The following SAMMSON variants were observed in gnomAD, a reference collection of about 807,000 sequenced individuals.
The protein encoded by SAMMSON is long intergenic non-protein coding RNA 1212.
chr3:70,323,679 A>G (rs535722106), intron 7 of SAMMSON, among the ~76,000 whole-genome samples: 1 of 152,246 alleles, frequency 6.6e-6, no homozygotes, highest in African/African-American at 2.4e-5. Context: ...GACAGCTGCT[A>G]TATTGTTTTA....
intron 4 of SAMMSON, among the ~76,000 whole-genome samples, chr3:70,229,185 C>T (rs989305157): frequency 6.6e-6 from 1 of 152,152 alleles, no homozygotes; most frequent in South Asian, 2.1e-4. Context: ...CAGCATCTTA[C>T]ACATACAAGA....
At chr3:70,327,768 A>G (rs1328236300) in intron 7 of SAMMSON, among the ~76,000 whole-genome samples, 2 of 152,192 alleles carry the variant, frequency 1.3e-5, no homozygotes, top group Non-Finnish European at 2.9e-5. Flanking sequence ...TCACCTTTGA[A>G]TCAGCCTAAT....
intron 7 of SAMMSON, among the ~76,000 whole-genome samples, chr3:70,295,426 A>G (rs573516009): frequency 7.9e-5 from 12 of 152,326 alleles, no homozygotes; most frequent in Non-Finnish European, 4.4e-5. Flanking sequence ...ATGAAAGCCC[A>G]GACATGGTGG....
intron 6 of SAMMSON, among the ~76,000 whole-genome samples, chr3:70,256,308 C>T (rs141569008): frequency 1.3e-3 from 194 of 152,274 alleles, no homozygotes; most frequent in Non-Finnish European, 2.2e-3. Context: ...GAAATGTACT[C>T]GTTATGTGAA....
chr3:70,264,090 A>AT (rs1701892757), intron 6 of SAMMSON, among the ~76,000 whole-genome samples: 1 of 152,090 alleles, frequency 6.6e-6, no homozygotes, highest in African/African-American at 2.4e-5. Context: ...TGCATTTAAT[A>AT]TTTTTCCAGA....
chr3:70,408,402 C>A (rs565866494), intron 2 of SAMMSON, among the ~76,000 whole-genome samples: 13 of 152,154 alleles, frequency 8.5e-5, no homozygotes, highest in Admixed American at 8.5e-4. Context: ...CTTATAAAAC[C>A]GAATACCTTT....
chr3:70,354,037 G>T (rs765741648), intron 7 of SAMMSON: 1 of 152,324 alleles, frequency 6.6e-6, no homozygotes, highest in African/African-American at 2.4e-5. Context: ...GGTTGCCAGG[G>T]ATTAGGGAGA....
intron 7 of SAMMSON, among the ~76,000 whole-genome samples, chr3:70,328,098 T>C (rs1052266955): frequency 2.0e-5 from 3 of 152,196 alleles, no homozygotes; most frequent in African/African-American, 7.2e-5. Context: ...CTCCCCTTTA[T>C]AAAACTATCA....
At chr3:70,067,720 C>T (rs890869799) in intron 3 of SAMMSON, among the ~76,000 whole-genome samples, 4 of 151,964 alleles carry the variant, frequency 2.6e-5, no homozygotes, top group Admixed American at 2.0e-4. Flanking sequence ...TGCAGCTGTG[C>T]CTGTACTGGA....
At chr3:70,237,688 A>G (rs910009846) in intron 4 of SAMMSON, among the ~76,000 whole-genome samples, 2 of 152,234 alleles carry the variant, frequency 1.3e-5, no homozygotes, top group African/African-American at 4.8e-5. Context: ...TTTGTTATCT[A>G]ACATGTATAC....
chr3:70,124,698 C>A (rs924420090), intron 4 of SAMMSON, among the ~76,000 whole-genome samples: 1 of 151,032 alleles, frequency 6.6e-6, no homozygotes, highest in Non-Finnish European at 1.5e-5. Context: ...GCCTGTAGTC[C>A]CAGCTACTTG....
intron 4 of SAMMSON, among the ~76,000 whole-genome samples, chr3:70,188,012 T>C (rs543598836): frequency 1.3e-5 from 2 of 152,252 alleles, no homozygotes; most frequent in South Asian, 2.1e-4. Context: ...CCACCCCACC[T>C]TTCCCCTGGG....
intron 9 of SAMMSON, among the ~76,000 whole-genome samples, chr3:70,377,032 G>A (rs1410994147): frequency 2.0e-5 from 3 of 152,076 alleles, no homozygotes; most frequent in African/African-American, 7.2e-5. Flanking sequence ...TTCTTGAATA[G>A]TAATTTAAGA....
chr3:70,270,392 G>A (rs1296469132), intron 6 of SAMMSON, among the ~76,000 whole-genome samples: 1 of 152,062 alleles, frequency 6.6e-6, no homozygotes, highest in Non-Finnish European at 1.5e-5. Context: ...AAAAAGAAAA[G>A]AAAAACACAG....
chr3:70,197,039 G>T (rs770561170), intron 4 of SAMMSON: 10 of 398,440 alleles, frequency 2.5e-5, no homozygotes, highest in Admixed American at 4.4e-5. Context: ...CAATCATTCC[G>T]AGAGTGGTTT....
At chr3:70,234,408 G>T (rs1701588990) in intron 4 of SAMMSON, among the ~76,000 whole-genome samples, 1 of 152,058 alleles carries the variant, frequency 6.6e-6, no homozygotes. Flanking sequence ...TAGCACTTTG[G>T]GAAGCTGAGG....
At chr3:70,232,847 G>A (rs1701573565) in intron 4 of SAMMSON, among the ~76,000 whole-genome samples, 1 of 152,020 alleles carries the variant, frequency 6.6e-6, no homozygotes. Context: ...TGTACAGAAA[G>A]AAGGAAAAAA....
At chr3:70,139,483 T>G (rs980481759) in intron 4 of SAMMSON, among the ~76,000 whole-genome samples, 1 of 152,180 alleles carries the variant, frequency 6.6e-6, no homozygotes, top group Non-Finnish European at 1.5e-5. Context: ...ATTGTCCTTG[T>G]TGGGGCTCCT....
At chr3:70,190,955 C>T (rs1701127464) in intron 4 of SAMMSON, among the ~76,000 whole-genome samples, 1 of 152,240 alleles carries the variant, frequency 6.6e-6, no homozygotes, top group Admixed American at 6.5e-5. Flanking sequence ...TCCCTGATTT[C>T]AGGGACTGGC....
Sources: gnomAD v4.1 joint callset for allele counts (sites outside exome capture counted in the v4.1 genomes callset) on GRCh38, gnomAD v4.1.1 for gene constraint, MANE v1.5 for transcripts, NCBI Gene and HGNC (gene_info 2026-07-23, HGNC 2026-07-21) for gene names.